The following DDC variants were observed in gnomAD, a reference collection of about 807,000 sequenced individuals.
The protein encoded by DDC is dopa decarboxylase.
Under a neutral mutation model 60.0 loss-of-function variants are expected in DDC, and 43 were observed. That is an observed-to-expected ratio of 0.72 (90% CI 0.56 to 0.92). The LOEUF (loss-of-function observed/expected upper bound fraction) is 0.92. Ranked by LOEUF, DDC falls within the 40% of genes least tolerant of loss-of-function variation. The probability of loss-of-function intolerance (pLI) is 0.00; values close to 1 mark genes in which losing one functional copy is unlikely to be tolerated. For synonymous variants in DDC, 232 were observed against 234.6 expected (o/e 0.99, Z 0.10); for missense variants, 573 against 620.2 (o/e 0.92, Z 0.81).
chr7:50,506,594 C>T (rs1287778823), intron 6 of DDC, among the ~76,000 whole-genome samples: 5 of 152,208 alleles, frequency 3.3e-5, no homozygotes, highest in African/African-American at 9.7e-5. Context: ...CCAGGGTCAG[C>T]AAGACCCAAA....
intron 9 of DDC, among the ~76,000 whole-genome samples, chr7:50,494,022 C>A (rs2043066567): frequency 6.6e-6 from 1 of 152,046 alleles, no homozygotes; most frequent in South Asian, 2.1e-4. Context: ...TCATGCAAAT[C>A]CTCCTGGCCC....
chr7:50,494,082 T>A (rs947252173), intron 9 of DDC, among the ~76,000 whole-genome samples: 1 of 152,230 alleles, frequency 6.6e-6, no homozygotes, highest in Non-Finnish European at 1.5e-5. Context: ...GAAACTAGTT[T>A]CTAGTGTCCC....
At chr7:50,473,593 C>T (rs1358226765) in intron 11 of DDC, among the ~76,000 whole-genome samples, 2 of 152,204 alleles carry the variant, frequency 1.3e-5, no homozygotes, top group African/African-American at 4.8e-5. Flanking sequence ...CCCCAGAGAG[C>T]CTCCCAAGCC....
intron 1 of DDC, among the ~76,000 whole-genome samples, chr7:50,552,922 A>G (rs1157397325): frequency 6.6e-6 from 1 of 152,140 alleles, no homozygotes; most frequent in Non-Finnish European, 1.5e-5. Flanking sequence ...AGTCTTGACC[A>G]CTTCCACCTG....
chr7:50,513,563 G>T lies in DDC; in HGVS notation c.715-9504C>A, dbSNP rs149919681. On this transcript the variant is annotated intron_variant, in intron 6 of 14. Transcript: ENST00000444124. Reference sequence around the variant, plus strand: ...AGCCCTTTTCTTTCATAGCTGGGAAGTAGGTAGCCTGGGGCAAGTTTTTAA... The same window carrying T: ...AGCCCTTTTCTTTCATAGCTGGGAATTAGGTAGCCTGGGGCAAGTTTTTAA... Among the ~76,000 whole-genome samples, 52 of 152,354 alleles carry T rather than the reference G, an allele frequency of 3.4e-4. No homozygotes were observed. The East Asian group carries it at 9.6e-3, about 28-fold the overall frequency.
At chr7:50,519,442 G>C (rs1344971706) in intron 6 of DDC, among the ~76,000 whole-genome samples, 2 of 152,196 alleles carry the variant, frequency 1.3e-5, no homozygotes, top group Admixed American at 6.5e-5. Flanking sequence ...ACTTGCACAT[G>C]CATGTTTAAA....
intron 7 of DDC, 95 bp downstream of exon 7, chr7:50,503,898 A>G: frequency 1.1e-6 from 1 of 892,200 alleles, no homozygotes; most frequent in Non-Finnish European, 1.9e-6. Context: ...CACAATATGA[A>G]GTTAACGACA....
chr7:50,533,978 AG>A (rs1476751016), intron 4 of DDC, among the ~76,000 whole-genome samples: 1 of 152,240 alleles, frequency 6.6e-6, no homozygotes, highest in African/African-American at 2.4e-5. Context: ...TAGTGGCCAG[AG>A]AGCAGCCCTG....
chr7:50,552,886 A>C (rs1441019832), intron 1 of DDC, among the ~76,000 whole-genome samples: 1 of 152,236 alleles, frequency 6.6e-6, no homozygotes, highest in African/African-American at 2.4e-5. Context: ...ACTATGGCTC[A>C]GGAGCCACAG....
rs188736182 is a variant in DDC, at chr7:50,522,639, C to A, written c.714+5498G>T. Among the ~76,000 whole-genome samples the A allele has an allele frequency of 4.6e-5, 7 of 152,288 alleles. No homozygotes were observed. The East Asian group carries it at 1.3e-3, about 29-fold the overall frequency. ...CTGATCTTTGACAAAGGAACAAAAG[C>A]AATTCAATGGAGGAAGTGTAGTATT... On this transcript the variant is annotated intron_variant, in intron 6 of 14. Coordinates refer to ENST00000444124, the MANE Select transcript of DDC (RefSeq NM_001082971.2).
intron 9 of DDC, chr7:50,493,019 G>C (rs965738183): frequency 6.3e-7 from 1 of 1,583,324 alleles, no homozygotes; most frequent in South Asian, 1.1e-5. Context: ...AGGGCAGGAC[G>C]CCGCATTCAT....
chr7:50,493,641 T>C (rs1276780744), intron 9 of DDC, among the ~76,000 whole-genome samples: 1 of 152,198 alleles, frequency 6.6e-6, no homozygotes, highest in Admixed American at 6.5e-5. Flanking sequence ...TACAAAAGAA[T>C]ACTCACATTC....
intron 12 of DDC, among the ~76,000 whole-genome samples, chr7:50,468,729 C>T (rs2042456849): frequency 1.3e-5 from 2 of 152,218 alleles, no homozygotes; most frequent in South Asian, 4.2e-4. Flanking sequence ...AAATGGAGGG[C>T]TGTTACCATC....
At position 50,547,473 on chromosome 7, in the gene DDC, T is replaced by G. The variant is rs776094248; in HGVS notation, c.-28-3360A>C. On this transcript the variant is annotated intron_variant, in intron 1 of 14. Transcript: ENST00000444124. ...CTCAAGTGTTCTGTCTGCCTTGGCC[T>G]TCCAAAGTGCTGGGATTGCAGGCAT... is the stretch of plus-strand genomic sequence containing the variant. Among the ~76,000 whole-genome samples the G allele has an allele frequency of 5.4e-4, 82 of 152,350 alleles. 1 individual carries two copies. The highest frequency in any genetic ancestry group is 4.9e-4 in the Non-Finnish European group (33 of 68,040).
At chr7:50,472,510 C>T (rs989083790) in intron 11 of DDC, among the ~76,000 whole-genome samples, 1 of 152,108 alleles carries the variant, frequency 6.6e-6, no homozygotes, top group Non-Finnish European at 1.5e-5. Flanking sequence ...ATGCAGTTTC[C>T]TCATCCAAAT....
At chr7:50,485,875 A>T (rs2042869933) in intron 9 of DDC, among the ~76,000 whole-genome samples, 1 of 152,234 alleles carries the variant, frequency 6.6e-6, no homozygotes, top group Non-Finnish European at 1.5e-5. Flanking sequence ...AACCTCGACC[A>T]AGCATGATCA....
At chr7:50,511,463 C>T (rs970174986) in intron 6 of DDC, among the ~76,000 whole-genome samples, 13 of 152,076 alleles carry the variant, frequency 8.5e-5, no homozygotes, top group East Asian at 1.9e-4. Context: ...GTCAGGATTT[C>T]GAGACTAGCC....
intron 9 of DDC, among the ~76,000 whole-genome samples, chr7:50,483,902 T>G (rs1307617973): frequency 1.3e-5 from 1 of 75,486 alleles, no homozygotes; most frequent in Admixed American, 1.5e-4. Context: ...AGATTCCATC[T>G]CAAAAAAAAA....
chr7:50,466,898 G>A (rs891750414), intron 13 of DDC, among the ~76,000 whole-genome samples: 3 of 152,256 alleles, frequency 2.0e-5, no homozygotes, highest in Non-Finnish European at 1.5e-5. Context: ...TGGACAGGCC[G>A]CTGTCCTCCA....
Sources: allele counts gnomAD v4.1 joint callset (sites outside exome capture counted in the v4.1 genomes callset), GRCh38; gene constraint gnomAD v4.1.1; transcripts MANE v1.5; gene names NCBI Gene and HGNC (gene_info 2026-07-23, HGNC 2026-07-21).